The following SLC35F1 variants were observed in gnomAD, a reference collection of about 807,000 sequenced individuals.
The protein encoded by SLC35F1 is solute carrier family 35 member F1.
In SLC35F1, 14 loss-of-function variants were observed where a neutral mutation model predicts 48.7. That is an observed-to-expected ratio of 0.29 (90% CI 0.19 to 0.45). The LOEUF (loss-of-function observed/expected upper bound fraction) is 0.45. Among genes scored for constraint, SLC35F1 ranks in the 20% least tolerant of loss-of-function variants. SLC35F1 has a pLI of 1.00. For missense variants in SLC35F1, 404 were observed against 500.0 expected (o/e 0.81, Z 1.83); for synonymous variants, 190 against 202.2 (o/e 0.94, Z 0.51).
At chr6:118,234,131 G>C (rs1312317252) in intron 2 of SLC35F1, among the ~76,000 whole-genome samples, 1 of 152,150 alleles carries the variant, frequency 6.6e-6, no homozygotes, top group Non-Finnish European at 1.5e-5. Flanking sequence ...TTCTTCTGAG[G>C]CTTTGAGGAC....
intron 1 of SLC35F1, among the ~76,000 whole-genome samples, chr6:118,123,821 G>A (rs919724349): frequency 3.9e-5 from 6 of 152,120 alleles, no homozygotes; most frequent in African/African-American, 1.4e-4. Context: ...AATTCTAGAG[G>A]CACTTGCTTT....
intron 1 of SLC35F1, among the ~76,000 whole-genome samples, chr6:117,913,869 G>A (rs1775792833): frequency 6.6e-6 from 1 of 152,078 alleles, no homozygotes; most frequent in Non-Finnish European, 1.5e-5. Context: ...TGGCCAACAT[G>A]GCGAAACCCC....
At chr6:117,939,738 G>A (rs1446065647) in intron 1 of SLC35F1, among the ~76,000 whole-genome samples, 1 of 152,216 alleles carries the variant, frequency 6.6e-6, no homozygotes, top group Non-Finnish European at 1.5e-5. Context: ...AGAAGTGAAA[G>A]GTTATGCTTT....
At chr6:118,181,848 C>A (rs1774582447) in intron 2 of SLC35F1, among the ~76,000 whole-genome samples, 1 of 152,044 alleles carries the variant, frequency 6.6e-6, no homozygotes, top group Admixed American at 6.6e-5. Context: ...AGACTCACTA[C>A]CTATTGATTA....
rs115163098 is a variant in SLC35F1, at chr6:118,077,157, C to G, written c.174-77288C>G. Among the ~76,000 whole-genome samples the G allele has an allele frequency of 2.6e-3, 392 of 152,268 alleles. 2 individuals carry two copies. The highest frequency in any genetic ancestry group is 8.9e-3 in the African/African-American group (371 of 41,554). ...CCTTCATTTTAAACAGACAACAATA[C>G]TAGCAAGATGAACACTCAAAGGCAT... is the stretch of plus-strand genomic sequence containing the variant. On this transcript the variant is annotated intron_variant, in intron 1 of 7. Transcript: ENST00000360388.
At chr6:118,212,270 T>G (rs996508530) in intron 2 of SLC35F1, among the ~76,000 whole-genome samples, 1 of 152,326 alleles carries the variant, frequency 6.6e-6, no homozygotes, top group East Asian at 1.9e-4. Flanking sequence ...TATACAGATG[T>G]CCCAGAAGTC....
chr6:117,939,105 T>G (rs1032396800), intron 1 of SLC35F1, among the ~76,000 whole-genome samples: 1 of 151,316 alleles, frequency 6.6e-6, no homozygotes, highest in African/African-American at 2.4e-5. Flanking sequence ...GCTCAAATGA[T>G]CTTCCTGCTT....
intron 1 of SLC35F1, among the ~76,000 whole-genome samples, chr6:118,114,897 A>G (rs1773456464): frequency 6.6e-6 from 1 of 152,208 alleles, no homozygotes; most frequent in Non-Finnish European, 1.5e-5. Context: ...TCATTTCTAT[A>G]TAATTGCATC....
intron 3 of SLC35F1, among the ~76,000 whole-genome samples, chr6:118,258,593 C>G (rs1223268040): frequency 2.0e-5 from 3 of 151,868 alleles, no homozygotes; most frequent in African/African-American, 7.3e-5. Context: ...ATGAGAATAG[C>G]CAAGATAATT....
At chr6:118,118,125 A>T (rs1473512368) in intron 1 of SLC35F1, among the ~76,000 whole-genome samples, 8 of 152,110 alleles carry the variant, frequency 5.3e-5, no homozygotes, top group Admixed American at 1.3e-4. Context: ...CTCACTTAGG[A>T]AATGTATGTG....
chr6:118,140,286 G>T (rs541540623), intron 1 of SLC35F1, among the ~76,000 whole-genome samples: 3 of 152,302 alleles, frequency 2.0e-5, no homozygotes, highest in East Asian at 3.9e-4. Flanking sequence ...GCTTCATAAT[G>T]ATTAGAGTCA....
chr6:118,129,168 A>G (rs1773673115), intron 1 of SLC35F1, among the ~76,000 whole-genome samples: 1 of 152,218 alleles, frequency 6.6e-6, no homozygotes, highest in Non-Finnish European at 1.5e-5. Flanking sequence ...CAAATGAATC[A>G]ATCAAGTAAT....
chr6:118,109,132 C>T (rs938389993), intron 1 of SLC35F1, among the ~76,000 whole-genome samples: 4 of 152,074 alleles, frequency 2.6e-5, no homozygotes, highest in African/African-American at 7.2e-5. Flanking sequence ...TCAGGGAAAG[C>T]AGATGAGAAA....
intron 1 of SLC35F1, among the ~76,000 whole-genome samples, chr6:117,987,350 T>C (rs1173922218): frequency 6.7e-6 from 1 of 149,178 alleles, no homozygotes; most frequent in African/African-American, 2.5e-5. Flanking sequence ...CTCCTCTTAT[T>C]CGTCCATTTC....
intron 1 of SLC35F1, among the ~76,000 whole-genome samples, chr6:118,022,368 G>C (rs1441790624): frequency 6.6e-6 from 1 of 152,114 alleles, no homozygotes; most frequent in African/African-American, 2.4e-5. Flanking sequence ...ATATTAAGAT[G>C]GTAAAACTCG....
At position 117,991,546 on chromosome 6, in the gene SLC35F1, A is replaced by G. The variant is rs118063043; in HGVS notation, c.173+83647A>G. ...ATGCCTTTAAGAAATCTTTGAAGAC[A>G]TTTTCAATGGCTGAACCATGGTTAT... On this transcript the variant is annotated intron_variant, in intron 1 of 7. Coordinates refer to ENST00000360388, the MANE Select transcript of SLC35F1 (RefSeq NM_001029858.4). Among the ~76,000 whole-genome samples, 108 of 152,314 alleles carry G rather than the reference A, an allele frequency of 7.1e-4. 2 individuals are homozygous for G. The East Asian group carries it at 0.019, about 27-fold the overall frequency.
In SLC35F1 at chr6:118,255,910, T is replaced by C. The variant is rs559273815; in HGVS notation, c.478-11085T>C. Among the ~76,000 whole-genome samples, 27 of 152,196 alleles carry C rather than the reference T, an allele frequency of 1.8e-4. No homozygotes were observed. The Middle Eastern group carries it at 0.01, about 58-fold the overall frequency. ...AGACAGTAAAACCTAAACAGTAAAT[T>C]CTAAGGTATAGGGTTTGGAAGGGGA... On this transcript the variant is annotated intron_variant, in intron 3 of 7. Transcript: ENST00000360388.
At chr6:118,246,194 C>G (rs1475059928) in intron 3 of SLC35F1, among the ~76,000 whole-genome samples, 2 of 151,874 alleles carry the variant, frequency 1.3e-5, no homozygotes, top group East Asian at 3.9e-4. Flanking sequence ...ATTTAGAATC[C>G]CTTATTTCTC....
chr6:118,134,683 G>T (rs924618039), intron 1 of SLC35F1, among the ~76,000 whole-genome samples: 2 of 152,178 alleles, frequency 1.3e-5, no homozygotes, highest in African/African-American at 4.8e-5. Flanking sequence ...ATGACCCTTT[G>T]AGGCAAGCCT....
Sources: gnomAD v4.1 joint callset for allele counts (sites outside exome capture counted in the v4.1 genomes callset) on GRCh38, gnomAD v4.1.1 for gene constraint, MANE v1.5 for transcripts, NCBI Gene and HGNC (gene_info 2026-07-23, HGNC 2026-07-21) for gene names.